The following NHSL2 variants were observed in gnomAD, a reference collection of about 807,000 sequenced individuals.
NHSL2 encodes NHS-like protein 2.
In NHSL2, 27 loss-of-function variants were observed where a neutral mutation model predicts 53.4. The ratio of observed to expected loss-of-function variants is 0.51; its 90% CI spans 0.37 to 0.70. NHSL2 has a LOEUF of 0.70. Ranked by LOEUF, NHSL2 falls within the 30% of genes least tolerant of loss-of-function variation. NHSL2 has a pLI of 0.00. For synonymous variants in NHSL2, 408 were observed against 404.1 expected (o/e 1.01, Z -0.12); for missense variants, 892 against 980.1 (o/e 0.91, Z 1.20).
intron 1 of NHSL2, among the ~76,000 whole-genome samples, chrX:71,962,929 T>C (rs2041874868): frequency 1.8e-5 from 2 of 110,862 alleles, no homozygotes. Flanking sequence ...TGAGCCACCA[T>C]GCCCATCCCC....
chrX:71,977,855 C>G (rs957288781), intron 1 of NHSL2, among the ~76,000 whole-genome samples: 1 of 111,785 alleles, frequency 8.9e-6, no homozygotes, highest in Non-Finnish European at 1.9e-5. Flanking sequence ...AAACAACTTT[C>G]TAGAAGGAGG....
At chrX:71,969,884 T>G (rs2041918134) in intron 1 of NHSL2, among the ~76,000 whole-genome samples, 1 of 111,996 alleles carries the variant, frequency 8.9e-6, no homozygotes, top group Admixed American at 9.5e-5. Context: ...TTTTCACCAT[T>G]AAGTATGGTA....
chrX:71,941,451 G>A lies in NHSL2; in HGVS notation c.280+30084G>A, dbSNP rs771896144. Among the ~76,000 whole-genome samples, 10 of 111,492 alleles carry A rather than the reference G, an allele frequency of 9.0e-5. No individual in the cohort carries two copies. The South Asian group carries it at 3.9e-3, about 43-fold the overall frequency. ...ACAAGCAGAATGGTTAAGGGGCTCT[G>A]GAACCTGATGCCTAGGCTTGAATCC... On this transcript the variant is annotated intron_variant, in intron 1 of 7. Coordinates refer to ENST00000633930, the MANE Select transcript of NHSL2 (RefSeq NM_001013627.3).
In NHSL2 at chrX:72,143,755, A is replaced by G. The variant is rs768149241; in HGVS notation, c.*181A>G. On this transcript the variant is annotated 3_prime_UTR_variant, in exon 8 of 8. Coordinates refer to ENST00000633930, the MANE Select transcript of NHSL2 (RefSeq NM_001013627.3). The stretch of plus-strand genomic sequence containing the variant: ...AGCTAAAATCATCTGGCACTTAATC[A>G]TCTTCAGACATTTTTATGTTTTCAT... 5.3e-6 allele frequency: 2 copies of G among 376,021 alleles called. No homozygotes were observed. Among genetic ancestry groups the G allele is most frequent in the South Asian group, 5.8e-5 (1 of 17,307 alleles). The allele number at this position is 376,021 out of a possible 1,213,427, so 31.0% of individuals were successfully genotyped here.
chrX:71,954,841 A>C (rs1463591359), intron 1 of NHSL2, among the ~76,000 whole-genome samples: 1 of 112,623 alleles, frequency 8.9e-6, no homozygotes, highest in Non-Finnish European at 1.9e-5. Context: ...GGCCTAAAGC[A>C]GAAGCAAAGG....
chrX:71,995,178 A>T (rs1465089731), intron 1 of NHSL2, among the ~76,000 whole-genome samples: 1 of 111,589 alleles, frequency 9.0e-6, no homozygotes, highest in Non-Finnish European at 1.9e-5. Flanking sequence ...CCAGAATCAA[A>T]CCACTTGTTA....
intron 1 of NHSL2, among the ~76,000 whole-genome samples, chrX:71,983,299 C>T (rs115823980): frequency 1.8e-3 from 195 of 110,680 alleles, no homozygotes; most frequent in African/African-American, 5.6e-3. Context: ...ATATGCTACG[C>T]GAATTATATC....
chrX:72,069,846 G>A, intron 1 of NHSL2: 1 of 363,163 alleles, frequency 2.8e-6, no homozygotes, highest in Non-Finnish European at 4.3e-6. Context: ...GGCGTGACTT[G>A]CAGGGGCTGG....
intron 1 of NHSL2, among the ~76,000 whole-genome samples, chrX:72,111,519 C>G (rs1019380796): frequency 8.9e-6 from 1 of 112,465 alleles, no homozygotes; most frequent in Non-Finnish European, 1.9e-5. Flanking sequence ...TTATTATTAT[C>G]TCAGTTTTGC....
In NHSL2 at chrX:72,149,177, C is replaced by T. The variant is rs1281493632; in HGVS notation, c.*5603C>T. Reference sequence around the variant, plus strand: ...TGCAAAATCTTTGATTAGACTTAGCCAGCCCATCTGGCCTGCTTTGGGTTT... The same window carrying T: ...TGCAAAATCTTTGATTAGACTTAGCTAGCCCATCTGGCCTGCTTTGGGTTT... On this transcript the variant is annotated 3_prime_UTR_variant, in exon 8 of 8. Transcript: ENST00000633930. 1.8e-5 allele frequency: 2 copies of T among 108,851 alleles called. No homozygotes were observed. Among genetic ancestry groups the T allele is most frequent in the African/African-American group, 3.4e-5 (1 of 29,733 alleles). 9.0% of individuals were successfully genotyped at this position (108,851 alleles called of 1,213,427 possible).
intron 1 of NHSL2, among the ~76,000 whole-genome samples, chrX:72,112,034 G>A (rs182752949): frequency 1.6e-3 from 173 of 110,663 alleles, no homozygotes; most frequent in African/African-American, 5.5e-3. Context: ...TGATATTTGA[G>A]CAGAGACCCA....
chrX:72,124,989 G>A (rs1427802616), intron 1 of NHSL2, among the ~76,000 whole-genome samples: 1 of 112,040 alleles, frequency 8.9e-6, no homozygotes, highest in African/African-American at 3.3e-5. Context: ...AGGGCCCCAG[G>A]TGGGCCCTGC....
chrX:72,145,917 A>G lies in NHSL2; in HGVS notation c.*2343A>G, dbSNP rs1417120713. The G allele has an allele frequency of 1.8e-5, 2 of 112,566 alleles. No homozygotes were observed. The highest frequency in any genetic ancestry group is 6.5e-5 in the African/African-American group (2 of 30,954). 9.3% of individuals were successfully genotyped at this position (112,566 alleles called of 1,213,427 possible). ...GTTACCTTTAGTCTTGTTTTCCTCTACAATACTCTATATGCCTGGAATTTT... is the reference window on the plus strand; with the variant it reads ...GTTACCTTTAGTCTTGTTTTCCTCTGCAATACTCTATATGCCTGGAATTTT... On this transcript the variant is annotated 3_prime_UTR_variant, in exon 8 of 8. Coordinates refer to ENST00000633930, the MANE Select transcript of NHSL2 (RefSeq NM_001013627.3).
At chrX:72,006,584 G>A (rs1173521114) in intron 1 of NHSL2, among the ~76,000 whole-genome samples, 1 of 112,385 alleles carries the variant, frequency 8.9e-6, no homozygotes. Flanking sequence ...TCCAGCTCTC[G>A]CTCTGTTGCC....
Position 72,123,363 on chromosome X carries a change from C to T in NHSL2, c.281-8716C>T, listed in dbSNP as rs1225906835. 6.3e-5 allele frequency among the ~76,000 whole-genome samples: 7 copies of T among 111,940 alleles called. No homozygotes were observed. The East Asian group carries it at 1.4e-3, about 22-fold the overall frequency. ...AAAAGCAGGTCTACAAGTCTTCCCA[C>T]GAGGAAGGAGAGCCATTGAGGGGTT... On this transcript the variant is annotated intron_variant, in intron 1 of 7. Coordinates refer to ENST00000633930, the MANE Select transcript of NHSL2 (RefSeq NM_001013627.3).
intron 4 of NHSL2, among the ~76,000 whole-genome samples, 195 bp from the exon 5 acceptor site, chrX:72,136,899 G>A (rs2042360120): frequency 8.9e-6 from 1 of 112,137 alleles, no homozygotes; most frequent in Non-Finnish European, 1.9e-5. Context: ...AAACTTACAG[G>A]CAACCTGGGT....
At chrX:72,055,309 G>C (rs1276219105) in intron 1 of NHSL2, among the ~76,000 whole-genome samples, 1 of 112,244 alleles carries the variant, frequency 8.9e-6, no homozygotes, top group Admixed American at 9.4e-5. Flanking sequence ...TCACTGGCAC[G>C]GTTGCCATGG....
intron 1 of NHSL2, among the ~76,000 whole-genome samples, chrX:72,108,596 C>T (rs1442531098): frequency 8.9e-6 from 1 of 112,970 alleles, no homozygotes; most frequent in East Asian, 2.8e-4. Context: ...AGCACAGAGA[C>T]CTTCTGCACA....
intron 2 of NHSL2, among the ~76,000 whole-genome samples, chrX:72,132,933 A>G (rs2042320631): frequency 8.9e-6 from 1 of 112,037 alleles, no homozygotes; most frequent in Non-Finnish European, 1.9e-5. Flanking sequence ...CTAATGGCGA[A>G]TAGAAAACTG....
Sources: allele counts gnomAD v4.1 joint callset (sites outside exome capture counted in the v4.1 genomes callset), GRCh38; gene constraint gnomAD v4.1.1; transcripts MANE v1.5; gene names NCBI Gene and HGNC (gene_info 2026-07-23, HGNC 2026-07-21).